The following FSIP2 variants were observed in gnomAD, a reference collection of about 807,000 sequenced individuals.
FSIP2 encodes the protein fibrous sheath-interacting protein 2.
A neutral mutation model predicts 510.5 loss-of-function variants in FSIP2; 367 were observed. The ratio of observed to expected loss-of-function variants is 0.72; its 90% confidence interval spans 0.66 to 0.78. The LOEUF (loss-of-function observed/expected upper bound fraction) is 0.78, where lower values mean the gene tolerates loss of function less well. Among genes scored for constraint, FSIP2 ranks in the 30% least tolerant of loss-of-function variants. The pLI, the probability that FSIP2 is intolerant of heterozygous loss-of-function variation, is 0.00. For missense variants in FSIP2, 7,594 were observed against 7,901.7 expected (o/e 0.96, Z 1.48); for synonymous variants, 2,601 against 2,732.2 (o/e 0.95, Z 1.50).
At position 185,831,910 on chromosome 2, in the gene FSIP2, G is replaced by A. The variant is rs772811310; in HGVS notation, c.20587+28G>A. 5.8e-6 allele frequency: 8 copies of A among 1,368,756 alleles called. No individual in the cohort carries two copies. In the South Asian group the frequency reaches 9.4e-5, roughly 16 times the overall value. 84.8% of individuals were successfully genotyped at this position (1,368,756 alleles called of 1,614,324 possible). ...ACAAAATGTACTATTTTAACAACTG[G>A]TGTAATTAAACTGTCAATTGCATCA... On this transcript the variant is annotated intron_variant, in intron 22 of 22. Coordinates refer to ENST00000424728, the MANE Select transcript of FSIP2 (RefSeq NM_173651.4).
intron 11 of FSIP2, among the ~76,000 whole-genome samples, chr2:185,762,832 C>G (rs1692383409): frequency 6.6e-6 from 1 of 151,322 alleles, no homozygotes; most frequent in African/African-American, 2.4e-5. Flanking sequence ...TTGTTTATTT[C>G]ACTATCCAGA....
Position 185,807,492 on chromosome 2 carries a change from T to C in FSIP2, c.18186T>C (p.Asp6062=), listed in dbSNP as rs907508039. ...CAGTTGCAACAGAGATCTCCCAAGA[T>C]AAATATATGACTATACAGTATGTAG... ...VSAVATEISQ[D]KYMTIQYVET... Residue 6062 remains aspartate (D), a synonymous_variant, in exon 17 of 23, where the codon GAT becomes GAC. Transcript: ENST00000424728. 6.2e-7 allele frequency: 1 copy of C among 1,612,300 alleles called. No individual in the cohort carries two copies. The highest frequency in any genetic ancestry group is 8.5e-7 in the Non-Finnish European group (1 of 1,178,954).
intron 13 of FSIP2, among the ~76,000 whole-genome samples, chr2:185,781,675 T>C (rs1692851451): frequency 6.6e-6 from 1 of 152,242 alleles, no homozygotes; most frequent in South Asian, 2.1e-4. Flanking sequence ...AAAGTTCTCC[T>C]ATCTCTTTGA....
At chr2:185,771,528 C>T (rs931194695) in intron 13 of FSIP2, among the ~76,000 whole-genome samples, 1 of 152,188 alleles carries the variant, frequency 6.6e-6, no homozygotes, top group African/African-American at 2.4e-5. Flanking sequence ...TGAGCTGAGG[C>T]TGGAGCTGGA....
chr2:185,773,375 T>A (rs933699334), intron 13 of FSIP2, among the ~76,000 whole-genome samples: 4 of 152,226 alleles, frequency 2.6e-5, no homozygotes, highest in Non-Finnish European at 5.9e-5. Context: ...GTTATTCTAA[T>A]GAGGTTTTCT....
At chr2:185,749,705 T>C (rs1692105184) in intron 7 of FSIP2, among the ~76,000 whole-genome samples, 4 of 151,850 alleles carry the variant, frequency 2.6e-5, no homozygotes, top group Admixed American at 2.6e-4. Flanking sequence ...TATTTTTGAC[T>C]GGTGATTTGT....
intron 7 of FSIP2, among the ~76,000 whole-genome samples, chr2:185,752,316 C>T (rs1463030294): frequency 3.3e-5 from 5 of 149,766 alleles, no homozygotes; most frequent in African/African-American, 1.2e-4. Flanking sequence ...CTTTATTTTT[C>T]TCTATGTAAC....
At position 185,824,422 on chromosome 2, in the gene FSIP2, C is replaced by T; in HGVS notation, c.20427-12C>T. ...ATTCACCCTAAATGATGTTCTTTTT[C>T]TTTTGTTTTAGTGAGGCTGAAGATT... On this transcript the variant is annotated splice_polypyrimidine_tract_variant and intron_variant, in intron 19 of 22. Transcript: ENST00000424728. 1 of 1,572,152 alleles carries T rather than the reference C, an allele frequency of 6.4e-7. No individual in the cohort carries two copies. The highest frequency in any genetic ancestry group is 8.7e-7 in the Non-Finnish European group (1 of 1,153,606).
In FSIP2 at chr2:185,808,813, T is replaced by G. The variant is rs1693657635; in HGVS notation, c.19507T>G (p.Leu6503Val). ...QEHAFNVIPE[L>V]EQEKLDQNLS... ...ACATGCTTTTAATGTGATTCCTGAATTAGAGCAAGAAAAGTTAGATCAAAA... is the reference window on the plus strand; with the variant it reads ...ACATGCTTTTAATGTGATTCCTGAAGTAGAGCAAGAAAAGTTAGATCAAAA... The change falls in exon 17 of 23, where the codon TTA becomes GTA. Residue 6503 changes from leucine (L) to valine (V), a missense_variant. Leu to Val is a conservative substitution (Grantham distance 32). Transcript: ENST00000424728. 6.2e-7 allele frequency: 1 copy of G among 1,612,768 alleles called. No individual in the cohort carries two copies. The highest frequency in any genetic ancestry group is 1.3e-5 in the African/African-American group (1 of 74,942).
Position 185,801,469 on chromosome 2 carries a change from T to C in FSIP2, c.12163T>C (p.Leu4055=). 1 of 1,533,912 alleles carries C rather than the reference T, an allele frequency of 6.5e-7. No homozygotes were observed. The highest frequency in any genetic ancestry group is 1.4e-5 in the African/African-American group (1 of 72,980). ...KIVDSVYYDV[L]QQYELKVACG... ...TGTTGACTCAGTTTATTATGATGTT[T>C]TACAGCAGTATGAATTAAAAGTGGC... The change falls in exon 17 of 23, where the codon TTA becomes CTA. Residue 4055 remains leucine, a synonymous_variant. Coordinates refer to ENST00000424728, the MANE Select transcript of FSIP2 (RefSeq NM_173651.4).
At chr2:185,780,889 C>A (rs1008267104) in intron 13 of FSIP2, among the ~76,000 whole-genome samples, 3 of 152,090 alleles carry the variant, frequency 2.0e-5, no homozygotes, top group African/African-American at 4.8e-5. Context: ...AAATTAAATT[C>A]TCATATGTAG....
Position 185,791,522 on chromosome 2 carries a change from C to G in FSIP2, c.4386C>G (p.Ser1462Arg). The G allele has an allele frequency of 1.3e-6, 2 of 1,534,380 alleles. No homozygotes were observed. Among genetic ancestry groups the G allele is most frequent in the Non-Finnish European group, 1.7e-6 (2 of 1,145,662 alleles). The part of the protein sequence containing the change: ...LHSQLSCSQQ[S>R]REMTNKNQKM... ...CTCAGCTATCTTGTAGTCAACAAAGCAGAGAGATGACCAATAAGAATCAGA... is the reference window on the plus strand; with the variant it reads ...CTCAGCTATCTTGTAGTCAACAAAGGAGAGAGATGACCAATAAGAATCAGA... Residue 1462 changes from serine (S) to arginine (R), a missense_variant, in exon 16 of 23, where the codon AGC becomes AGG. By Grantham distance (110) the Ser-to-Arg change is moderately radical (BLOSUM62 -1). Coordinates refer to ENST00000424728, the MANE Select transcript of FSIP2 (RefSeq NM_173651.4).
chr2:185,803,941 T>C lies in FSIP2; in HGVS notation c.14635T>C (p.Ser4879Pro), dbSNP rs1218328065. The C allele has an allele frequency of 6.6e-6, 10 of 1,512,474 alleles. No individual in the cohort carries two copies. The highest frequency in any genetic ancestry group is 8.0e-6 in the Non-Finnish European group (9 of 1,131,670). The allele number at this position is 1,512,474 out of a possible 1,614,324, so 93.7% of individuals were successfully genotyped here. ...TCTTTCTCATTCAAATATATACCAG[T>C]CCATTACAAAAGATAAAAAGAGCAT... ...ADLSHSNIYQ[S>P]ITKDKKSISD... is the part of the protein sequence containing the mutation. The change falls in exon 17 of 23, where the codon TCC (serine) becomes CCC (proline). Residue 4879 changes from serine to proline, a missense_variant. Transcript: ENST00000424728.
rs10931199 is a variant in FSIP2 at position 185,790,999 on chromosome 2, G to A, written c.3863G>A (p.Arg1288Gln). 0.99 allele frequency: 1,512,595 copies of A among 1,528,640 alleles called. 748,770 individuals carry two copies. Among genetic ancestry groups the A allele is most frequent in the Non-Finnish European group, 1 (1,141,616 of 1,143,032 alleles). The allele number at this position is 1,528,640 out of a possible 1,614,324, so 94.7% of individuals were successfully genotyped here. A position where few individuals can be genotyped will look rare whatever the true frequency, so the allele number is the denominator to read the frequency against. Reference sequence around the variant, plus strand: ...CATATGGGCTTCAAATCTTCATTACGATCTCAACTTAGTAAGTACACAGCT... The same window carrying A: ...CATATGGGCTTCAAATCTTCATTACAATCTCAACTTAGTAAGTACACAGCT... ...KLHMGFKSSL[R>Q]SQLSKYTAKI... The change falls in exon 16 of 23, where the codon CGA (arginine) becomes CAA (glutamine). Residue 1288 changes from arginine to glutamine, a missense_variant. Transcript: ENST00000424728.
chr2:185,804,203 A>G lies in FSIP2; in HGVS notation c.14897A>G (p.His4966Arg). 2.0e-6 allele frequency: 3 copies of G among 1,516,948 alleles called. No individual in the cohort carries two copies. Among genetic ancestry groups the G allele is most frequent in the South Asian group, 1.2e-5 (1 of 80,292 alleles). 94.0% of individuals were successfully genotyped at this position (1,516,948 alleles called of 1,614,324 possible). The change falls in exon 17 of 23, where the codon CAT becomes CGT. Residue 4966 changes from histidine to arginine, a missense_variant. Transcript: ENST00000424728. ...LLCKILYAFS[H>R]NMLVTENPDR... Reference sequence around the variant, plus strand: ...TGCAAAATTCTTTATGCATTTTCACATAACATGTTGGTTACTGAAAATCCA... The same window carrying G: ...TGCAAAATTCTTTATGCATTTTCACGTAACATGTTGGTTACTGAAAATCCA...
In FSIP2 at chr2:185,788,800, G is replaced by C; in HGVS notation, c.1664G>C (p.Ser555Thr). The change falls in exon 16 of 23, where the codon AGT becomes ACT. Residue 555 changes from serine to threonine, a missense_variant. Coordinates refer to ENST00000424728, the MANE Select transcript of FSIP2 (RefSeq NM_173651.4). ...GATGACTCCATCCTCTCTTCAGATA[G>C]TTCAAGTTTCTGTAGCACGTGCAGT... ...VSDDSILSSDSSSFCSTCSED... is the reference protein window; with the variant it reads ...VSDDSILSSDTSSFCSTCSED... 6.5e-7 allele frequency: 1 copy of C among 1,531,386 alleles called. No homozygotes were observed. The highest frequency in any genetic ancestry group is 8.7e-7 in the Non-Finnish European group (1 of 1,142,944). The allele number at this position is 1,531,386 out of a possible 1,614,324, so 94.9% of individuals were successfully genotyped here.
chr2:185,808,986 AAGAACTGGACATAGCATAGC>A lies in FSIP2; in HGVS notation c.19688_19707del (p.Gly6563GlufsTer16). 1 of 1,612,682 alleles carries A rather than the reference AAGAACTGGACATAGCATAGC, an allele frequency of 6.2e-7. No individual in the cohort carries two copies. The highest frequency in any genetic ancestry group is 8.5e-7 in the Non-Finnish European group (1 of 1,179,458). ...AGAAACTTAAGCAGGAGTGTTTGAA[AAGAACTGGACATAGCATAGC>A]AGAACTGAGAAGAGCATCAATAAGT... On this transcript the variant is annotated frameshift_variant, in exon 17 of 23. Coordinates refer to ENST00000424728, the MANE Select transcript of FSIP2 (RefSeq NM_173651.4). LOFTEE classifies it high-confidence loss of function.
At chr2:185,746,555 T>C (rs1692037929) in intron 5 of FSIP2, 114 bp from the exon 6 acceptor site, 1 of 749,302 alleles carries the variant, frequency 1.3e-6, no homozygotes, top group African/African-American at 1.8e-5. Flanking sequence ...AAAATTCTTG[T>C]AGTTCAAGAA....
chr2:185,776,133 T>G (rs1692712195), intron 13 of FSIP2, among the ~76,000 whole-genome samples: 2 of 152,254 alleles, frequency 1.3e-5, no homozygotes, highest in Non-Finnish European at 2.9e-5. Flanking sequence ...TAGCCAGGCA[T>G]GTTGGCACAC....
Sources: gnomAD v4.1 joint callset for allele counts (sites outside exome capture counted in the v4.1 genomes callset) on GRCh38, gnomAD v4.1.1 for gene constraint, MANE v1.5 for transcripts, NCBI Gene and HGNC (gene_info 2026-07-23, HGNC 2026-07-21) for gene names.